MPHOSPH8: variants seen among roughly 807,000 people sequenced by gnomAD.
The protein encoded by MPHOSPH8 is M-phase phosphoprotein, mpp.
MPHOSPH8 carries 45 observed loss-of-function variants against 87.3 expected under a neutral mutation model. That is an observed-to-expected ratio of 0.52 (90% confidence interval 0.41 to 0.66). The LOEUF (loss-of-function observed/expected upper bound fraction) is 0.66. Ranked by LOEUF, MPHOSPH8 falls within the 30% of genes least tolerant of loss-of-function variation. The pLI, the probability that MPHOSPH8 is intolerant of heterozygous loss-of-function variation, is 0.00. For missense variants in MPHOSPH8, 883 were observed against 1,020.2 expected, an observed-to-expected ratio of 0.87 and a Z score of 1.83; for synonymous variants, 366 against 376.9, an observed-to-expected ratio of 0.97 and a Z score of 0.33.
rs1385936776 is a variant in MPHOSPH8, at chr13:19,650,066, T to G, written c.1382T>G (p.Val461Gly). 6.2e-7 allele frequency: 1 copy of G among 1,610,446 alleles called. No homozygotes were observed. Among genetic ancestry groups the G allele is most frequent in the South Asian group, 1.1e-5 (1 of 90,364 alleles). The change falls in exon 5 of 14, where the codon GTT becomes GGT. Residue 461 changes from valine (V) to glycine (G), a missense_variant. Transcript: ENST00000361479. ...TTAACTCCAGAAGAAAAAAATGATG[T>G]TTCTGAGAATAATCGGAAAAGGGAA... is the stretch of plus-strand genomic sequence containing the variant. The part of the protein sequence containing the change: ...FKLTPEEKND[V>G]SENNRKREEI...
chr13:19,659,146 T>A, intron 6 of MPHOSPH8, 26 bp downstream of exon 6: 3 of 1,611,456 alleles, frequency 1.9e-6, no homozygotes, highest in Non-Finnish European at 2.5e-6. Flanking sequence ...AATATTGAAA[T>A]CCCTTTCACA....
chr13:19,638,309 T>G (rs901627169), intron 1 of MPHOSPH8, among the ~76,000 whole-genome samples: 9 of 152,010 alleles, frequency 5.9e-5, no homozygotes, highest in African/African-American at 1.9e-4. Flanking sequence ...TTTTCAGGCT[T>G]ATCTTTAAAA....
chr13:19,663,229 G>C (rs1875643316), intron 9 of MPHOSPH8, 103 bp downstream of exon 9: 1 of 1,055,274 alleles, frequency 9.5e-7, no homozygotes, highest in East Asian at 2.4e-5. Flanking sequence ...AGAACAGAGT[G>C]GGTACCAAGA....
chr13:19,642,390 A>C, intron 2 of MPHOSPH8, 120 bp downstream of exon 2: 1 of 861,672 alleles, frequency 1.2e-6, no homozygotes, highest in Non-Finnish European at 1.6e-6. Context: ...CTTTAGTGTA[A>C]ATTCCATGTA....
In MPHOSPH8 at chr13:19,669,024, C is replaced by T. The variant is rs1157689314; in HGVS notation, c.2329+493C>T. Among the ~76,000 whole-genome samples, 4 of 152,196 alleles carry T rather than the reference C, an allele frequency of 2.6e-5. No individual in the cohort carries two copies. In the East Asian group the frequency reaches 7.7e-4, roughly 29 times the overall value. ...TAGACGTGGAGGCAGTGCAGTCTGC[C>T]GAGGGGAGGAAGCCGGGCTCTGGCT... On this transcript the variant is annotated intron_variant, in intron 11 of 13. Transcript: ENST00000361479.
chr13:19,671,160 G>A (rs1240969776), intron 12 of MPHOSPH8, 46 bp from the exon 13 acceptor site: 1 of 1,598,844 alleles, frequency 6.3e-7, no homozygotes, highest in Admixed American at 1.7e-5. Context: ...AGGGCTTCTG[G>A]TGTAAGTTTG....
intron 1 of MPHOSPH8, among the ~76,000 whole-genome samples, chr13:19,634,740 G>C (rs75796524): frequency 0.031 from 4,655 of 152,214 alleles, 97 homozygotes; most frequent in South Asian, 0.05. Context: ...ATCGTTCTTT[G>C]TTTGTCTCTC....
chr13:19,648,817 G>A (rs1874702502), intron 4 of MPHOSPH8, among the ~76,000 whole-genome samples: 2 of 151,800 alleles, frequency 1.3e-5, no homozygotes, highest in South Asian at 4.2e-4. Flanking sequence ...ACGCATTTTG[G>A]ATCACTTCAA....
rs975193043 is a variant in MPHOSPH8, at chr13:19,660,994, A to G, written c.1792-704A>G. The G allele has an allele frequency of 6.1e-6, 6 of 977,366 alleles. No homozygotes were observed. In the African/African-American group the frequency reaches 7.0e-5, roughly 11 times the overall value. 60.5% of individuals were successfully genotyped at this position (977,366 alleles called of 1,614,324 possible). A position where few individuals can be genotyped will look rare whatever the true frequency, so the allele number is the denominator to read the frequency against. ...AAAAATGAGAGCTGGGCGTGGTGGC[A>G]TGCACCTGTAATCCCATCTACTTGA... On this transcript the variant is annotated intron_variant, in intron 7 of 13. Transcript: ENST00000361479.
intron 5 of MPHOSPH8, among the ~76,000 whole-genome samples, chr13:19,652,167 C>A (rs1029893216): frequency 6.6e-6 from 1 of 152,202 alleles, no homozygotes; most frequent in African/African-American, 2.4e-5. Context: ...CAGCTCCGTT[C>A]CGCAATTCTC....
chr13:19,653,181 C>T (rs1462532025), intron 5 of MPHOSPH8, among the ~76,000 whole-genome samples: 3 of 152,184 alleles, frequency 2.0e-5, no homozygotes, highest in Non-Finnish European at 2.9e-5. Context: ...TACAGGAGAG[C>T]TCCGGCTGGC....
Position 19,633,691 on chromosome 13 carries a change from G to T in MPHOSPH8, c.-58G>T. On this transcript the variant is annotated 5_prime_UTR_variant, in exon 1 of 14. Transcript: ENST00000361479. Reference sequence around the variant, plus strand: ...AGTAGGGCCGAGCGCGGAACGCGAGGGGCTGCTGGGGTGTTTGTCGCAGCG... The same window carrying T: ...AGTAGGGCCGAGCGCGGAACGCGAGTGGCTGCTGGGGTGTTTGTCGCAGCG... The T allele has an allele frequency of 4.6e-6, 7 of 1,533,844 alleles. No homozygotes were observed. The highest frequency in any genetic ancestry group is 6.2e-6 in the Non-Finnish European group (7 of 1,132,006).
chr13:19,639,469 C>A (rs1004994998), intron 1 of MPHOSPH8, among the ~76,000 whole-genome samples: 8 of 152,014 alleles, frequency 5.3e-5, no homozygotes, highest in Non-Finnish European at 8.8e-5. Context: ...CGCCACCACA[C>A]CCGGCTAATT....
At chr13:19,670,701 T>C in intron 12 of MPHOSPH8, 1 of 1,050,446 alleles carries the variant, frequency 9.5e-7, no homozygotes. Context: ...TAAGCAAAAT[T>C]TGCTAGATAT....
At position 19,633,996 on chromosome 13, in the gene MPHOSPH8, G is replaced by A. The variant is rs187223580; in HGVS notation, c.213+35G>A. Reference sequence around the variant, plus strand: ...GGGGCCCCGGCGCGGGGCTGGGCGGGGAGCTCCGGGCCTGGCGGGGAGGAC... The same window carrying A: ...GGGGCCCCGGCGCGGGGCTGGGCGGAGAGCTCCGGGCCTGGCGGGGAGGAC... On this transcript the variant is annotated intron_variant, in intron 1 of 13. Coordinates refer to ENST00000361479, the MANE Select transcript of MPHOSPH8 (RefSeq NM_017520.4). 4.9e-3 allele frequency: 7,735 copies of A among 1,584,164 alleles called. 51 individuals are homozygous for A. Among genetic ancestry groups the A allele is most frequent in the Middle Eastern group, 9.6e-3 (58 of 6,022 alleles).
rs558741108 is a variant in MPHOSPH8, at chr13:19,665,352, C to A, written c.2020-1073C>A. On this transcript the variant is annotated intron_variant, in intron 9 of 13. Transcript: ENST00000361479. ...TTTCAGAAATTAAAAACCTTTTTATCTGAGGAGAAAGTGTGTAACATTGGT... is the reference window on the plus strand; with the variant it reads ...TTTCAGAAATTAAAAACCTTTTTATATGAGGAGAAAGTGTGTAACATTGGT... Among the ~76,000 whole-genome samples, 17 of 152,276 alleles carry A rather than the reference C, an allele frequency of 1.1e-4. No individual in the cohort carries two copies. In the South Asian group the frequency reaches 2.1e-3, roughly 19 times the overall value.
intron 1 of MPHOSPH8, among the ~76,000 whole-genome samples, chr13:19,641,381 G>A (rs143352597): frequency 0.016 from 2,446 of 150,334 alleles, 63 homozygotes; most frequent in African/African-American, 0.056. Context: ...GGAGTGCAGT[G>A]GCACAATCTC....
intron 5 of MPHOSPH8, 36 bp from the exon 6 acceptor site, chr13:19,658,959 A>G (rs12877379): frequency 1.3e-6 from 2 of 1,593,790 alleles, no homozygotes; most frequent in Non-Finnish European, 1.7e-6. Context: ...TATACTTCAG[A>G]CAAATGTATG....
intron 2 of MPHOSPH8, among the ~76,000 whole-genome samples, chr13:19,645,992 C>T (rs534248822): frequency 6.6e-6 from 1 of 152,208 alleles, no homozygotes; most frequent in Admixed American, 6.5e-5. Context: ...TTGTTCTGTA[C>T]ATAACTGTCA....
Sources: allele counts gnomAD v4.1 joint callset (sites outside exome capture counted in the v4.1 genomes callset), GRCh38; gene constraint gnomAD v4.1.1; transcripts MANE v1.5; gene names NCBI Gene and HGNC (gene_info 2026-07-23, HGNC 2026-07-21).